Variants in ABLIM1 observed in about 807,000 individuals in gnomAD.
The protein encoded by ABLIM1 is actin-binding LIM protein 1.
Under a neutral mutation model 107.0 loss-of-function variants are expected in ABLIM1, and 40 were observed. That is an observed-to-expected ratio of 0.37 (90% CI 0.29 to 0.49). The LOEUF (loss-of-function observed/expected upper bound fraction) is 0.49, where lower values mean the gene tolerates loss of function less well. Ranked by LOEUF, ABLIM1 falls within the 20% of genes least tolerant of loss-of-function variation. The pLI is 0.97. For missense variants in ABLIM1, 857 were observed against 1,008.5 expected, an observed-to-expected ratio of 0.85 and a Z score of 2.04; for synonymous variants, 357 against 357.3, an observed-to-expected ratio of 1.00 and a Z score of 0.01.
intron 1 of ABLIM1, among the ~76,000 whole-genome samples, chr10:114,703,831 G>A (rs1229465557): frequency 1.3e-5 from 2 of 152,204 alleles, no homozygotes; most frequent in Non-Finnish European, 2.9e-5. Context: ...TGGGGGCACA[G>A]AACACTACCA....
intron 1 of ABLIM1, among the ~76,000 whole-genome samples, chr10:114,729,339 G>A (rs1355037556): frequency 2.0e-5 from 3 of 152,008 alleles, no homozygotes; most frequent in South Asian, 4.1e-4. Context: ...CTGTTCTCAC[G>A]CTGACCACAC....
At chr10:114,723,781 C>A (rs1443202287) in intron 1 of ABLIM1, among the ~76,000 whole-genome samples, 2 of 148,876 alleles carry the variant, frequency 1.3e-5, no homozygotes, top group African/African-American at 4.9e-5. Flanking sequence ...CTCTTTTGTA[C>A]CTCTTTATAT....
intron 6 of ABLIM1, among the ~76,000 whole-genome samples, chr10:114,515,214 C>T (rs1308886348): frequency 1.3e-5 from 2 of 152,192 alleles, no homozygotes; most frequent in Non-Finnish European, 2.9e-5. Context: ...TCACAATTCC[C>T]GCAGCGGCCA....
At chr10:114,702,524 AC>A (rs2081326849) in intron 1 of ABLIM1, among the ~76,000 whole-genome samples, 1 of 140,780 alleles carries the variant, frequency 7.1e-6, no homozygotes, top group Non-Finnish European at 1.5e-5. Context: ...AAGTAAGAAC[AC>A]TTTTTTTTTT....
chr10:114,686,548 C>T (rs1308510982), upstream of ABLIM1, among the ~76,000 whole-genome samples: 2 of 151,700 alleles, frequency 1.3e-5, no homozygotes, highest in Non-Finnish European at 2.9e-5. Flanking sequence ...GTGAAACCAA[C>T]TGCCTAGAAA....
intron 6 of ABLIM1, among the ~76,000 whole-genome samples, chr10:114,530,474 A>G (rs1224925588): frequency 6.6e-6 from 1 of 152,222 alleles, no homozygotes; most frequent in Admixed American, 6.5e-5. Flanking sequence ...TAAAAGAAAC[A>G]TTAACAGAAA....
At chr10:114,697,350 G>A (rs1466843102) in intron 1 of ABLIM1, among the ~76,000 whole-genome samples, 1 of 152,246 alleles carries the variant, frequency 6.6e-6, no homozygotes, top group Non-Finnish European at 1.5e-5. Context: ...AGATCTGGCA[G>A]CCTGCAAGGC....
chr10:114,742,970 TA>T (rs1390653667), intron 1 of ABLIM1, among the ~76,000 whole-genome samples: 1 of 152,140 alleles, frequency 6.6e-6, no homozygotes, highest in African/African-American at 2.4e-5. Flanking sequence ...ATGTGAGGAT[TA>T]AATTAGTTAA....
chr10:114,676,898 G>A (rs2080510657), intron 1 of ABLIM1, among the ~76,000 whole-genome samples: 1 of 152,082 alleles, frequency 6.6e-6, no homozygotes, highest in African/African-American at 2.4e-5. Flanking sequence ...AGCATGCCTG[G>A]CTAACTTTTG....
chr10:114,500,678 C>T (rs1367921413), intron 6 of ABLIM1, among the ~76,000 whole-genome samples: 1 of 87,408 alleles, frequency 1.1e-5, no homozygotes, highest in Non-Finnish European at 2.1e-5. Flanking sequence ...GACCTTGTGT[C>T]GAAAGAAAAA....
chr10:114,656,044 G>A (rs1341314053), intron 1 of ABLIM1, among the ~76,000 whole-genome samples: 1 of 152,134 alleles, frequency 6.6e-6, no homozygotes, highest in East Asian at 1.9e-4. Flanking sequence ...GTGGAGGCAG[G>A]CAGGTCACCT....
chr10:114,629,816 AACCCTTGTGTACCT>A lies in ABLIM1; in HGVS notation c.245-27869_245-27856del. Among the ~76,000 whole-genome samples the A allele has an allele frequency of 6.6e-6, 1 of 152,002 alleles. No homozygotes were observed. Among genetic ancestry groups the A allele is most frequent in the South Asian group, 2.1e-4 (1 of 4,828 alleles). On this transcript the variant is annotated intron_variant, in intron 1 of 22. Transcript: ENST00000533213. This position sits in a 1 kb window ranked among gnomAD's most constrained non-coding sequence, Gnocchi z 4.0. ...GAAGAAGTTCCCTTTTTCCTATGGAAACCCTTGTGTACCTACCAAAAACAAACAAACAAACAAAC... is the reference window on the plus strand; with the variant it reads ...GAAGAAGTTCCCTTTTTCCTATGGAAACCAAAAACAAACAAACAAACAAAC...
chr10:114,647,790 G>C (rs2079070579), intron 1 of ABLIM1, among the ~76,000 whole-genome samples: 1 of 152,190 alleles, frequency 6.6e-6, no homozygotes, highest in Non-Finnish European at 1.5e-5. Flanking sequence ...CACAGAACTT[G>C]GATGAGGAAA....
intron 4 of ABLIM1, among the ~76,000 whole-genome samples, chr10:114,558,748 T>A (rs528575687): frequency 6.6e-6 from 1 of 152,340 alleles, no homozygotes; most frequent in East Asian, 1.9e-4. Context: ...CCTCTGTTCA[T>A]TTCTCTGAAC....
intron 1 of ABLIM1, among the ~76,000 whole-genome samples, chr10:114,747,413 T>C (rs2142368022): frequency 6.6e-6 from 1 of 152,338 alleles, no homozygotes; most frequent in Non-Finnish European, 1.5e-5. Flanking sequence ...CTCTCCGCTC[T>C]GCTCTATGTG....
At chr10:114,612,452 T>C (rs1197158054) in intron 1 of ABLIM1, among the ~76,000 whole-genome samples, 1 of 152,198 alleles carries the variant, frequency 6.6e-6, no homozygotes, top group African/African-American at 2.4e-5. Flanking sequence ...ATCTGTGATA[T>C]TCTGTTCTAG....
intron 1 of ABLIM1, among the ~76,000 whole-genome samples, chr10:114,630,214 G>C (rs1210844867): frequency 6.6e-6 from 1 of 152,150 alleles, no homozygotes; most frequent in Non-Finnish European, 1.5e-5. Context: ...TGAAGAAATG[G>C]CTTTGTAATT....
At chr10:114,654,127 C>T (rs1028894504) in intron 1 of ABLIM1, among the ~76,000 whole-genome samples, 27 of 152,222 alleles carry the variant, frequency 1.8e-4, no homozygotes, top group Admixed American at 3.9e-4. Flanking sequence ...ACATGCATGG[C>T]TGCAGGAGGG....
chr10:114,447,406 T>G (rs2061176720), intron 15 of ABLIM1, among the ~76,000 whole-genome samples: 1 of 152,216 alleles, frequency 6.6e-6, no homozygotes, highest in African/African-American at 2.4e-5. Flanking sequence ...AAAATGAAAG[T>G]GCTTCAGTGT....
Sources: gnomAD v4.1 joint callset for allele counts (sites outside exome capture counted in the v4.1 genomes callset) on GRCh38, gnomAD v4.1.1 for gene constraint, Gnocchi (gnomAD v3.1) non-coding constraint, MANE v1.5 for transcripts, NCBI Gene and HGNC (gene_info 2026-07-23, HGNC 2026-07-21) for gene names.